CAST: variants seen among roughly 807,000 people sequenced by gnomAD.
CAST encodes the protein calpastatin, also known as MIR583 host.
CAST carries 76 observed loss-of-function variants against 119.6 expected under a neutral mutation model. That is an observed-to-expected ratio of 0.64 (90% CI 0.53 to 0.77). The LOEUF is 0.77. Ranked by LOEUF, CAST falls within the 30% of genes least tolerant of loss-of-function variation. The probability of loss-of-function intolerance (pLI) is 0.00; values close to 1 mark genes in which losing one functional copy is unlikely to be tolerated. For missense variants in CAST, 953 were observed against 946.5 expected (o/e 1.01, Z -0.09); for synonymous variants, 319 against 331.6 (o/e 0.96, Z 0.41).
chr5:96,079,532 A>G, the CAST span, among the ~76,000 whole-genome samples: 18 of 152,250 alleles, frequency 1.2e-4, no homozygotes, highest in Non-Finnish European at 2.4e-4. Context: ...AAGTCTGAAT[A>G]ACTCTTATTT....
chr5:96,609,143 A>G (rs1174133524), intron 1 of CAST, among the ~76,000 whole-genome samples: 1 of 152,146 alleles, frequency 6.6e-6, no homozygotes, highest in East Asian at 1.9e-4. Flanking sequence ...TCTCACAACA[A>G]TTATGTAATC....
chr5:96,479,908 C>A, the CAST span, among the ~76,000 whole-genome samples: 1 of 152,136 alleles, frequency 6.6e-6, no homozygotes. Flanking sequence ...GCACTCCAGG[C>A]AGCAGGAGCA....
the CAST span, among the ~76,000 whole-genome samples, chr5:96,165,125 A>G: frequency 1.3e-5 from 2 of 151,892 alleles, no homozygotes; most frequent in Non-Finnish European, 2.9e-5. Flanking sequence ...GGGGGACAGG[A>G]GGGGAGAATG....
chr5:96,034,344 C>T, the CAST span, among the ~76,000 whole-genome samples: 4 of 151,846 alleles, frequency 2.6e-5, no homozygotes, highest in South Asian at 2.1e-4. Flanking sequence ...GGAACTCTCA[C>T]ACACTGTTGG....
intron 1 of CAST, among the ~76,000 whole-genome samples, chr5:96,595,228 T>C (rs1747033539): frequency 6.6e-6 from 1 of 152,212 alleles, no homozygotes. Flanking sequence ...CTAAACCGGA[T>C]GTTTATCTAG....
chr5:96,588,700 A>C (rs542229456), intron 1 of CAST, among the ~76,000 whole-genome samples: 2 of 152,292 alleles, frequency 1.3e-5, no homozygotes, highest in South Asian at 4.1e-4. Context: ...ATGAAGTCTG[A>C]CTGCCCTTTT....
the CAST span, among the ~76,000 whole-genome samples, chr5:95,963,021 T>G: frequency 6.6e-6 from 1 of 152,094 alleles, no homozygotes; most frequent in Non-Finnish European, 1.5e-5. Context: ...TGTGTGTGGA[T>G]AGACTGACAG....
chr5:96,296,674 A>G, the CAST span, among the ~76,000 whole-genome samples: 1 of 152,208 alleles, frequency 6.6e-6, no homozygotes, highest in Non-Finnish European at 1.5e-5. Flanking sequence ...GTGAATTGAA[A>G]CTGAGCAGAG....
intron 1 of CAST, among the ~76,000 whole-genome samples, chr5:96,557,171 TCACCAC>T (rs1051870335): frequency 6.6e-6 from 1 of 152,002 alleles, no homozygotes; most frequent in Admixed American, 6.6e-5. Flanking sequence ...AGAGATTTTG[TCACCAC>T]CAGGCCTGCC....
chr5:96,662,324 C>G, upstream of CAST: 1 of 505,724 alleles, frequency 2.0e-6, no homozygotes, highest in Non-Finnish European at 2.9e-6. Flanking sequence ...CCCTCCGCTC[C>G]CTCCCTCCCT....
the CAST span, among the ~76,000 whole-genome samples, chr5:96,163,985 C>T: frequency 2.0e-5 from 3 of 151,886 alleles, no homozygotes; most frequent in African/African-American, 4.8e-5. Context: ...GGCATAATGA[C>T]ATTATATTAA....
At chr5:96,709,518 C>G (rs1454340917) in intron 3 of CAST, among the ~76,000 whole-genome samples, 3 of 152,138 alleles carry the variant, frequency 2.0e-5, no homozygotes, top group Non-Finnish European at 4.4e-5. Flanking sequence ...ATTCTCATGT[C>G]TGGAACAAAA....
chr5:96,067,326 T>G, the CAST span, among the ~76,000 whole-genome samples: 1 of 152,208 alleles, frequency 6.6e-6, no homozygotes. Flanking sequence ...TCAAATATAG[T>G]CTTCCAGTAA....
At chr5:96,619,873 T>G (rs1747562304) in intron 1 of CAST, among the ~76,000 whole-genome samples, 1 of 152,204 alleles carries the variant, frequency 6.6e-6, no homozygotes, top group Non-Finnish European at 1.5e-5. Context: ...GGCAAGCCAG[T>G]ATGGTGGGTT....
At chr5:96,077,207 C>G in the CAST span, among the ~76,000 whole-genome samples, 2 of 151,670 alleles carry the variant, frequency 1.3e-5, no homozygotes, top group Non-Finnish European at 2.9e-5. Context: ...ACATATATAC[C>G]TTTTTATTTT....
At chr5:96,490,207 C>A in the CAST span, among the ~76,000 whole-genome samples, 2 of 152,064 alleles carry the variant, frequency 1.3e-5, no homozygotes, top group African/African-American at 4.8e-5. Flanking sequence ...TTATCTAGGC[C>A]CACTTACCTT....
chr5:96,018,744 T>C, the CAST span, among the ~76,000 whole-genome samples: 1 of 152,206 alleles, frequency 6.6e-6, no homozygotes, highest in African/African-American at 2.4e-5. Flanking sequence ...AAGTGTACAT[T>C]GCTATAATTC....
chr5:96,592,556 G>A (rs960694896), intron 1 of CAST, among the ~76,000 whole-genome samples: 8 of 151,880 alleles, frequency 5.3e-5, no homozygotes, highest in African/African-American at 1.9e-4. Context: ...CCCAGTTTTA[G>A]CTTCTCTCTT....
At chr5:96,542,133 AC>A (rs1208608940) in intron 1 of CAST, among the ~76,000 whole-genome samples, 1 of 152,014 alleles carries the variant, frequency 6.6e-6, no homozygotes, top group East Asian at 1.9e-4. Context: ...ACACAGTGAA[AC>A]CCCGTCTCTA....
Sources: gnomAD v4.1 joint callset for allele counts (sites outside exome capture counted in the v4.1 genomes callset) on GRCh38, gnomAD v4.1.1 for gene constraint, MANE v1.5 for transcripts, NCBI Gene and HGNC (gene_info 2026-07-23, HGNC 2026-07-21) for gene names.